CCDC180: variants seen among roughly 807,000 people sequenced by gnomAD.
CCDC180 encodes coiled-coil domain containing 180, also known as coiled-coil domain-containing protein 180.
In CCDC180, 154 loss-of-function variants were observed where a neutral mutation model predicts 209.2. The observed-to-expected ratio is 0.74, with a 90% CI of 0.65 to 0.84. The LOEUF (loss-of-function observed/expected upper bound fraction) is 0.84, where lower values mean the gene tolerates loss of function less well. Among genes scored for constraint, CCDC180 ranks in the 40% least tolerant of loss-of-function variants. CCDC180 has a pLI of 0.00. For synonymous variants in CCDC180, 778 were observed against 749.1 expected (o/e 1.04, Z -0.63); for missense variants, 1,874 against 1,997.3 (o/e 0.94, Z 1.18).
chr9:97,371,431 G>A, intron 33 of CCDC180, 164 bp from the exon 34 acceptor site: 1 of 477,434 alleles, frequency 2.1e-6, no homozygotes, highest in South Asian at 4.5e-5. Flanking sequence ...TCACATCTTG[G>A]GAGAGGCCTC....
At chr9:97,326,021 A>T (rs1327046681) in intron 14 of CCDC180, among the ~76,000 whole-genome samples, 1 of 152,230 alleles carries the variant, frequency 6.6e-6, no homozygotes, top group Non-Finnish European at 1.5e-5. Context: ...TGAAAGAAAA[A>T]GGGGAAGACA....
intron 11 of CCDC180, 41 bp downstream of exon 11, chr9:97,320,246 A>G (rs1833314414): frequency 7.0e-6 from 11 of 1,566,356 alleles, no homozygotes; most frequent in Non-Finnish European, 8.8e-6. Flanking sequence ...TTTCTCCAGA[A>G]CTGTTTAAGC....
At chr9:97,354,831 C>T in intron 23 of CCDC180, 61 bp from the exon 24 acceptor site, 1 of 1,560,458 alleles carries the variant, frequency 6.4e-7, no homozygotes, top group Non-Finnish European at 8.8e-7. Flanking sequence ...CCCCCTCCTC[C>T]TTCAGAGTCC....
At chr9:97,347,247 C>T in intron 19 of CCDC180, 67 bp from the exon 20 acceptor site, 1 of 1,475,910 alleles carries the variant, frequency 6.8e-7, no homozygotes, top group Non-Finnish European at 9.0e-7. Flanking sequence ...TTTGGGTCTC[C>T]ATATGGAAAG....
At position 97,347,306 on chromosome 9, in the gene CCDC180, G is replaced by A. The variant is rs904849182; in HGVS notation, c.2499-8G>A. 27 of 1,535,112 alleles carry A rather than the reference G, an allele frequency of 1.8e-5. No individual in the cohort carries two copies. The highest frequency in any genetic ancestry group is 9.8e-5 in the East Asian group (4 of 40,918). ...GGCAGGGCTGACCCTGGCTGGTCTC[G>A]CCCTCAGACTTCGAGCTGGCTTCTT... is the stretch of plus-strand genomic sequence containing the variant. On this transcript the variant is annotated splice_region_variant and splice_polypyrimidine_tract_variant and intron_variant, in intron 19 of 36. Transcript: ENST00000529487.
chr9:97,367,860 G>A (rs1050907407), intron 31 of CCDC180, among the ~76,000 whole-genome samples: 1 of 152,158 alleles, frequency 6.6e-6, no homozygotes, highest in Non-Finnish European at 1.5e-5. Flanking sequence ...TCCTCACACA[G>A]ACTTGGCATG....
chr9:97,346,649 G>A (rs1224792744), intron 19 of CCDC180, among the ~76,000 whole-genome samples: 1 of 152,204 alleles, frequency 6.6e-6, no homozygotes, highest in African/African-American at 2.4e-5. Flanking sequence ...AGGTTTCACT[G>A]TCGCCCAGGC....
intron 22 of CCDC180, among the ~76,000 whole-genome samples, chr9:97,351,672 A>G (rs1021880959): frequency 2.1e-5 from 3 of 143,754 alleles, no homozygotes; most frequent in African/African-American, 7.5e-5. Context: ...TTATGTATAC[A>G]TGAGCAAAAA....
At position 97,376,989 on chromosome 9, in the gene CCDC180, T is replaced by C; in HGVS notation, c.*95T>C. 7.1e-7 allele frequency: 1 copy of C among 1,406,392 alleles called. No individual in the cohort carries two copies. The highest frequency in any genetic ancestry group is 9.7e-7 in the Non-Finnish European group (1 of 1,035,786). 87.1% of individuals were successfully genotyped at this position (1,406,392 alleles called of 1,614,324 possible). Reference sequence around the variant, plus strand: ...ACTTTCCGTCCATCCCTCCCTCCCTTCATCCCTCCACCCCTGCTCTGTGCC... The same window carrying C: ...ACTTTCCGTCCATCCCTCCCTCCCTCCATCCCTCCACCCCTGCTCTGTGCC... On this transcript the variant is annotated 3_prime_UTR_variant, in exon 37 of 37. Coordinates refer to ENST00000529487, the MANE Select transcript of CCDC180 (RefSeq NM_020893.6).
chr9:97,330,524 A>T lies in CCDC180; in HGVS notation c.2031A>T (p.Pro677=), dbSNP rs769074639. 1.9e-6 allele frequency: 3 copies of T among 1,614,134 alleles called. No individual in the cohort carries two copies. Among genetic ancestry groups the T allele is most frequent in the Non-Finnish European group, 2.5e-6 (3 of 1,180,024 alleles). The change falls in exon 18 of 37, where the codon CCA becomes CCT. Residue 677 remains proline, a synonymous_variant. Transcript: ENST00000529487. ...EEVLGQQKKS[P]LHAKMDESKE... is the part of the protein sequence containing the mutation. ...TGCTGGGGCAGCAGAAAAAATCTCC[A>T]CTGCATGCTAAGATGGATGAGTCCA...
intron 28 of CCDC180, chr9:97,363,580 C>T (rs1455517073): frequency 1.9e-6 from 1 of 531,920 alleles, no homozygotes; most frequent in Non-Finnish European, 3.9e-6. Flanking sequence ...AATTTCAGAT[C>T]AACACCACCT....
In CCDC180 at chr9:97,320,200, A is replaced by G. The variant is rs755472810; in HGVS notation, c.1154A>G (p.Glu385Gly). The change falls in exon 11 of 37, where the codon GAG (glutamate) becomes GGG (glycine). Residue 385 changes from glutamate to glycine, a missense_variant. Transcript: ENST00000529487. ...TCTTCCCTCAACTCCCTGAACAAGG[A>G]GCTAGGTGAGTGACGTCTGCAGGAC... The part of the protein sequence containing the change: ...WHSSLNSLNK[E>G]LDTYHVDCMM... The G allele has an allele frequency of 2.5e-6, 4 of 1,613,844 alleles. No individual in the cohort carries two copies. Among genetic ancestry groups the G allele is most frequent in the Non-Finnish European group, 3.4e-6 (4 of 1,179,850 alleles).
intron 28 of CCDC180, 25 bp downstream of exon 28, chr9:97,362,466 G>T (rs774329324): frequency 1.2e-6 from 2 of 1,605,024 alleles, no homozygotes; most frequent in South Asian, 2.2e-5. Flanking sequence ...AGCCAGAATC[G>T]CCCCTTCCCA....
chr9:97,348,315 T>G (rs1826332633), intron 20 of CCDC180, among the ~76,000 whole-genome samples: 1 of 152,114 alleles, frequency 6.6e-6, no homozygotes, highest in African/African-American at 2.4e-5. Context: ...GTTTGTGGGC[T>G]CAGGCAACTT....
At chr9:97,364,628 C>T (rs1826868052) in intron 29 of CCDC180, 1 of 162,260 alleles carries the variant, frequency 6.2e-6, no homozygotes, top group African/African-American at 2.4e-5. Flanking sequence ...TCTCATCAGC[C>T]CTCTCACCCT....
intron 25 of CCDC180, chr9:97,358,117 CTTT>C (rs71487322): frequency 6.2e-5 from 7 of 112,230 alleles, no homozygotes; most frequent in Middle Eastern, 5.1e-3. Flanking sequence ...TTTCCACTTG[CTTT>C]TTTTTTTTTT....
At chr9:97,317,269 G>A (rs781390073) in intron 9 of CCDC180, 41 bp downstream of exon 9, 42 of 1,479,450 alleles carry the variant, frequency 2.8e-5, no homozygotes, top group Non-Finnish European at 3.8e-5. Context: ...GCCCACCAGG[G>A]GGGCTGGCAA....
intron 15 of CCDC180, among the ~76,000 whole-genome samples, chr9:97,327,728 C>G (rs528046691): frequency 6.6e-6 from 1 of 152,054 alleles, no homozygotes; most frequent in Non-Finnish European, 1.5e-5. Context: ...ATGTAGGTAC[C>G]GTCAAGTTCG....
At chr9:97,331,163 G>A (rs1373780451) in intron 18 of CCDC180, among the ~76,000 whole-genome samples, 1 of 152,110 alleles carries the variant, frequency 6.6e-6, no homozygotes, top group Non-Finnish European at 1.5e-5. Flanking sequence ...ACTTAAAAGT[G>A]AGAACATGCA....
Sources: gnomAD v4.1 joint callset for allele counts (sites outside exome capture counted in the v4.1 genomes callset) on GRCh38, gnomAD v4.1.1 for gene constraint, MANE v1.5 for transcripts, NCBI Gene and HGNC (gene_info 2026-07-23, HGNC 2026-07-21) for gene names.